GPC6: variants seen among roughly 807,000 people sequenced by gnomAD.
The protein encoded by GPC6 is glypican-6.
Under a neutral mutation model 55.2 loss-of-function variants are expected in GPC6, and 14 were observed. That is an observed-to-expected ratio of 0.25 (90% CI 0.17 to 0.40). The LOEUF (loss-of-function observed/expected upper bound fraction) is 0.40. Among genes scored for constraint, GPC6 ranks in the 10% least tolerant of loss-of-function variants. The probability of loss-of-function intolerance (pLI) is 1.00; values close to 1 mark genes in which losing one functional copy is unlikely to be tolerated. For missense variants in GPC6, 641 were observed against 708.5 expected (o/e 0.90, Z 1.08); for synonymous variants, 278 against 259.6 (o/e 1.07, Z -0.68).
At chr13:93,887,675 A>G (rs1216283194) in intron 3 of GPC6, among the ~76,000 whole-genome samples, 1 of 152,114 alleles carries the variant, frequency 6.6e-6, no homozygotes, top group Non-Finnish European at 1.5e-5. Flanking sequence ...TCTGTGGGGA[A>G]TTAGTGACTT....
intron 1 of GPC6, among the ~76,000 whole-genome samples, chr13:93,505,016 G>A (rs948702219): frequency 2.0e-5 from 3 of 152,142 alleles, no homozygotes; most frequent in Admixed American, 6.5e-5. Context: ...ATGGGCCAAT[G>A]TAATAATATG....
intron 4 of GPC6, among the ~76,000 whole-genome samples, chr13:94,084,325 C>T (rs1468716414): frequency 6.6e-6 from 1 of 152,156 alleles, no homozygotes; most frequent in Non-Finnish European, 1.5e-5. Flanking sequence ...CTATGTGCTT[C>T]TCCCTTCTAC....
At chr13:94,263,708 A>G (rs61962163) in intron 4 of GPC6, among the ~76,000 whole-genome samples, 11,319 of 152,278 alleles carry the variant, frequency 0.074, 554 homozygotes, top group Middle Eastern at 0.13. Context: ...TTAGCCAGAA[A>G]AGAAAATCTA....
chr13:94,161,453 T>C (rs1452544384), intron 4 of GPC6, among the ~76,000 whole-genome samples: 1 of 152,224 alleles, frequency 6.6e-6, no homozygotes, highest in Admixed American at 6.5e-5. Flanking sequence ...AGGTTTCTAA[T>C]GTGCTGTGGC....
intron 1 of GPC6, among the ~76,000 whole-genome samples, chr13:93,450,033 C>G (rs1415619963): frequency 2.6e-5 from 4 of 152,080 alleles, no homozygotes; most frequent in Non-Finnish European, 5.9e-5. Flanking sequence ...CTGCCTGCCT[C>G]AGTCTCCCAA....
chr13:93,917,307 A>G (rs1877340966), intron 3 of GPC6, among the ~76,000 whole-genome samples: 1 of 152,226 alleles, frequency 6.6e-6, no homozygotes, highest in African/African-American at 2.4e-5. Context: ...AATTGAAAAG[A>G]AAAAAGTTAG....
intron 2 of GPC6, among the ~76,000 whole-genome samples, chr13:93,669,936 A>G (rs1365517583): frequency 6.6e-6 from 1 of 152,162 alleles, no homozygotes; most frequent in Non-Finnish European, 1.5e-5. Context: ...TTAGCAACAT[A>G]TTTGCCTGCT....
intron 6 of GPC6, among the ~76,000 whole-genome samples, chr13:94,313,476 CCT>C (rs1029200115): frequency 3.9e-5 from 6 of 152,278 alleles, no homozygotes; most frequent in Non-Finnish European, 5.9e-5. Flanking sequence ...GGCACATAGA[CCT>C]CTCTTTCAGT....
intron 1 of GPC6, among the ~76,000 whole-genome samples, chr13:93,375,017 C>T (rs186360663): frequency 6.6e-6 from 1 of 152,286 alleles, no homozygotes; most frequent in African/African-American, 2.4e-5. Context: ...CATTGATAAG[C>T]AGTCAGTTCT....
intron 6 of GPC6, among the ~76,000 whole-genome samples, chr13:94,358,231 G>A (rs1878891041): frequency 6.6e-6 from 1 of 150,890 alleles, no homozygotes; most frequent in African/African-American, 2.4e-5. Flanking sequence ...AGAGGTTGCA[G>A]TGAGCTGAGA....
intron 4 of GPC6, among the ~76,000 whole-genome samples, chr13:94,183,069 C>T (rs1264578036): frequency 6.6e-6 from 1 of 152,208 alleles, no homozygotes; most frequent in African/African-American, 2.4e-5. Context: ...TGAGCCACTG[C>T]ACCCAGCCTT....
At chr13:93,344,932 C>T (rs1880378543) in intron 1 of GPC6, among the ~76,000 whole-genome samples, 1 of 152,158 alleles carries the variant, frequency 6.6e-6, no homozygotes, top group African/African-American at 2.4e-5. Flanking sequence ...AGGCAATATG[C>T]CTCAGTGGAG....
intron 4 of GPC6, among the ~76,000 whole-genome samples, chr13:94,040,893 G>A (rs977794944): frequency 4.6e-5 from 7 of 151,772 alleles, no homozygotes; most frequent in Non-Finnish European, 7.4e-5. Flanking sequence ...CTTTGAATTC[G>A]ATTTGGAGAA....
intron 1 of GPC6, among the ~76,000 whole-genome samples, chr13:93,389,364 C>T (rs1385216094): frequency 4.6e-5 from 7 of 151,562 alleles, no homozygotes; most frequent in Non-Finnish European, 7.4e-5. Context: ...AATAGCCGGG[C>T]GTGGTGGCAG....
In GPC6 at chr13:94,054,737, A is replaced by C. The variant is rs565439726; in HGVS notation, c.877+26843A>C. On this transcript the variant is annotated intron_variant, in intron 4 of 8. Coordinates refer to ENST00000377047, the MANE Select transcript of GPC6 (RefSeq NM_005708.5). ...ATGCCATTATTTGTTTGCACTTTAT[A>C]AGGATGCATTTACCAAGTGGGTTAG... 7.9e-5 allele frequency among the ~76,000 whole-genome samples: 12 copies of C among 152,250 alleles called. No individual in the cohort carries two copies. In the East Asian group the frequency reaches 1.5e-3, roughly 20 times the overall value.
chr13:93,424,093 T>A (rs1270572617), intron 1 of GPC6, among the ~76,000 whole-genome samples: 1 of 152,154 alleles, frequency 6.6e-6, no homozygotes, highest in Non-Finnish European at 1.5e-5. Context: ...GTGGGTTCCC[T>A]GGGAAAAACA....
intron 3 of GPC6, among the ~76,000 whole-genome samples, chr13:93,851,453 ACAGT>A (rs968450945): frequency 4.0e-5 from 6 of 151,892 alleles, no homozygotes; most frequent in Non-Finnish European, 7.4e-5. Context: ...GTGCCATCTA[ACAGT>A]CAGGGAAGAA....
chr13:94,394,858 AC>A (rs1566755275), intron 7 of GPC6, among the ~76,000 whole-genome samples: 1 of 152,212 alleles, frequency 6.6e-6, no homozygotes, highest in Non-Finnish European at 1.5e-5. Flanking sequence ...GGCTGGGTTT[AC>A]TTGGCAGTCT....
intron 3 of GPC6, among the ~76,000 whole-genome samples, chr13:93,839,819 A>G (rs1321648813): frequency 2.0e-5 from 3 of 152,210 alleles, no homozygotes; most frequent in African/African-American, 4.8e-5. Context: ...TATGAAACCC[A>G]CTTGAGCATG....
Sources: gnomAD v4.1 joint callset for allele counts (sites outside exome capture counted in the v4.1 genomes callset) on GRCh38, gnomAD v4.1.1 for gene constraint, MANE v1.5 for transcripts, NCBI Gene and HGNC (gene_info 2026-07-23, HGNC 2026-07-21) for gene names.